Variants in DGKG observed in about 807,000 individuals in gnomAD.
DGKG encodes DAG kinase gamma.
A neutral mutation model predicts 105.3 loss-of-function variants in DGKG; 78 were observed. The observed-to-expected ratio is 0.74, with a 90% CI of 0.62 to 0.89. The LOEUF is 0.89. Among genes scored for constraint, DGKG ranks in the 40% least tolerant of loss-of-function variants. The probability of loss-of-function intolerance (pLI) is 0.00; values close to 1 mark genes in which losing one functional copy is unlikely to be tolerated. For missense variants in DGKG, 958 were observed against 1,020.1 expected (o/e 0.94, Z 0.83); for synonymous variants, 346 against 367.1 (o/e 0.94, Z 0.66).
intron 21 of DGKG, among the ~76,000 whole-genome samples, chr3:186,200,554 T>C (rs1718402760): frequency 2.0e-5 from 3 of 151,944 alleles, no homozygotes; most frequent in Admixed American, 2.0e-4. Context: ...TTTTGTGGAG[T>C]GGTAAGTGGA....
At chr3:186,202,939 A>G (rs1718545292) in intron 21 of DGKG, among the ~76,000 whole-genome samples, 1 of 152,266 alleles carries the variant, frequency 6.6e-6, no homozygotes, top group African/African-American at 2.4e-5. Context: ...TGAAGACAAA[A>G]GAAAATCAAA....
At chr3:186,298,717 T>C (rs1578796301) in intron 3 of DGKG, among the ~76,000 whole-genome samples, 1 of 152,208 alleles carries the variant, frequency 6.6e-6, no homozygotes, top group East Asian at 1.9e-4. Context: ...TTCTGTGGTA[T>C]CTTGGTTTCC....
At position 186,361,363 on chromosome 3, in the gene DGKG, T is replaced by C. The variant is rs1398913777; in HGVS notation, c.-249+583A>G. 6.6e-6 allele frequency among the ~76,000 whole-genome samples: 1 copy of C among 152,000 alleles called. No individual in the cohort carries two copies. Among genetic ancestry groups the C allele is most frequent in the Non-Finnish European group, 1.5e-5 (1 of 67,990 alleles). Reference sequence around the variant, plus strand: ...ACACAAGCACACACACGGACACATCTTGTGACTCTGAGACTACACAGATCA... The same window carrying C: ...ACACAAGCACACACACGGACACATCCTGTGACTCTGAGACTACACAGATCA... On this transcript the variant is annotated intron_variant, in intron 1 of 24. Coordinates refer to ENST00000265022, the MANE Select transcript of DGKG (RefSeq NM_001346.3). This position sits in a 1 kb window ranked among gnomAD's most constrained non-coding sequence, Gnocchi z 6.8.
intron 23 of DGKG, among the ~76,000 whole-genome samples, chr3:186,163,680 C>T (rs188843297): frequency 2.0e-3 from 309 of 152,136 alleles, no homozygotes; most frequent in South Asian, 8.7e-3. Context: ...CTGGCTCACC[C>T]CCTCTGTTTC....
intron 1 of DGKG, among the ~76,000 whole-genome samples, chr3:186,334,359 T>C (rs1725732379): frequency 6.6e-6 from 1 of 152,126 alleles, no homozygotes; most frequent in East Asian, 1.9e-4. Context: ...TGTAAACTGA[T>C]GGAGGGTGGA....
intron 22 of DGKG, among the ~76,000 whole-genome samples, chr3:186,179,878 G>A (rs1390651783): frequency 2.0e-5 from 3 of 152,198 alleles, no homozygotes; most frequent in Non-Finnish European, 4.4e-5. Context: ...CACAGCGCAC[G>A]CCAGCATCAC....
At position 186,320,292 on chromosome 3, in the gene DGKG, T is replaced by C; in HGVS notation, c.67+101A>G. ...ATATAAGCCGTCAGGCCTGACATCA[T>C]TCTTTGTGGCTTTGCAATGATCATA... On this transcript the variant is annotated intron_variant, in intron 2 of 24. Transcript: ENST00000265022. 3.5e-6 allele frequency: 5 copies of C among 1,424,848 alleles called. No individual in the cohort carries two copies. The South Asian group carries it at 5.1e-5, about 15-fold the overall frequency. The allele number at this position is 1,424,848 out of a possible 1,614,324, so 88.3% of individuals were successfully genotyped here.
intron 1 of DGKG, among the ~76,000 whole-genome samples, chr3:186,324,876 G>A (rs1725260399): frequency 6.6e-6 from 1 of 152,206 alleles, no homozygotes; most frequent in Non-Finnish European, 1.5e-5. Flanking sequence ...CCACAAAAAA[G>A]ACACGTGCAC....
At chr3:186,239,670 C>T (rs111629097) in intron 20 of DGKG, among the ~76,000 whole-genome samples, 6 of 152,342 alleles carry the variant, frequency 3.9e-5, no homozygotes, top group African/African-American at 1.4e-4. Flanking sequence ...GGTGCTACCT[C>T]AGCCCTTCTG....
intron 7 of DGKG, 104 bp from the exon 8 acceptor site, chr3:186,280,848 G>A (rs1258840597): frequency 1.1e-6 from 1 of 896,272 alleles, no homozygotes; most frequent in East Asian, 2.5e-5. Flanking sequence ...GACAGGGCAG[G>A]GCAAGAGAAG....
chr3:186,235,309 A>C (rs994747540), intron 20 of DGKG, among the ~76,000 whole-genome samples: 3 of 152,168 alleles, frequency 2.0e-5, no homozygotes, highest in South Asian at 4.1e-4. Context: ...TGAATCCCAG[A>C]TATTTAAGAA....
intron 21 of DGKG, among the ~76,000 whole-genome samples, chr3:186,200,794 G>T (rs1393218133): frequency 6.6e-6 from 1 of 152,238 alleles, no homozygotes; most frequent in Non-Finnish European, 1.5e-5. Context: ...GTTTGTGTGG[G>T]CTCAAGGAAT....
intron 20 of DGKG, among the ~76,000 whole-genome samples, chr3:186,215,561 G>A (rs531698966): frequency 6.6e-6 from 1 of 152,252 alleles, no homozygotes; most frequent in African/African-American, 2.4e-5. Flanking sequence ...ACTGGAAAGA[G>A]AGGTACAGAC....
intron 19 of DGKG, among the ~76,000 whole-genome samples, chr3:186,251,325 G>A (rs1200664351): frequency 2.0e-5 from 3 of 152,130 alleles, no homozygotes; most frequent in East Asian, 1.9e-4. Context: ...AAGGAAATCT[G>A]AGGGCTAAGC....
chr3:186,279,979 G>A lies in DGKG; in HGVS notation c.670-6C>T, dbSNP rs1273798022. ...TGCAGCATCTCCTTCAATATCTGTG[G>A]AATCCAAAGAGCAATCATTGTCCAT... On this transcript the variant is annotated splice_polypyrimidine_tract_variant and splice_region_variant and intron_variant, in intron 8 of 24. Transcript: ENST00000265022. 1 of 1,613,742 alleles carries A rather than the reference G, an allele frequency of 6.2e-7. No homozygotes were observed. The highest frequency in any genetic ancestry group is 1.3e-5 in the African/African-American group (1 of 75,028).
intron 20 of DGKG, among the ~76,000 whole-genome samples, chr3:186,219,745 A>G (rs1394266146): frequency 2.0e-5 from 3 of 151,526 alleles, no homozygotes; most frequent in East Asian, 1.9e-4. Flanking sequence ...AGGGGCTCAG[A>G]AAAAAAAAGG....
intron 22 of DGKG, among the ~76,000 whole-genome samples, chr3:186,169,028 T>G (rs1231860057): frequency 6.6e-6 from 1 of 152,220 alleles, no homozygotes; most frequent in Non-Finnish European, 1.5e-5. Flanking sequence ...TGAAAATCAC[T>G]GATAGAAACT....
At chr3:186,314,220 CACACAT>C (rs1285417824) in intron 2 of DGKG, among the ~76,000 whole-genome samples, 3 of 120,628 alleles carry the variant, frequency 2.5e-5, no homozygotes, top group African/African-American at 3.1e-5. Context: ...CACACACACA[CACACAT>C]TAATGTATGT....
Position 186,260,426 on chromosome 3 carries a change from G to A in DGKG, c.1424+13C>T, listed in dbSNP as rs762041437. ...GGGGGAGAAATAAGAGGTAAAGATT[G>A]TGATCTCCATACCCTGGAGTAGGCC... On this transcript the variant is annotated intron_variant, in intron 16 of 24. Transcript: ENST00000265022. 3 of 1,590,984 alleles carry A rather than the reference G, an allele frequency of 1.9e-6. No individual in the cohort carries two copies. The Admixed American group carries it at 5.0e-5, about 27-fold the overall frequency.
Sources: gnomAD v4.1 joint callset for allele counts (sites outside exome capture counted in the v4.1 genomes callset) on GRCh38, gnomAD v4.1.1 for gene constraint, Gnocchi (gnomAD v3.1) non-coding constraint, MANE v1.5 for transcripts, NCBI Gene and HGNC (gene_info 2026-07-23, HGNC 2026-07-21) for gene names.